TRANK1: variants seen among roughly 807,000 people sequenced by gnomAD.
TRANK1 encodes TPR and ankyrin repeat-containing protein 1.
TRANK1 carries 198 observed loss-of-function variants against 266.0 expected under a neutral mutation model. The ratio of observed to expected loss-of-function variants is 0.74; its 90% CI spans 0.66 to 0.84. The LOEUF (loss-of-function observed/expected upper bound fraction) is 0.84, where lower values mean the gene tolerates loss of function less well. Ranked by LOEUF, TRANK1 falls within the 40% of genes least tolerant of loss-of-function variation. TRANK1 has a pLI of 0.00. For synonymous variants in TRANK1, 1,396 were observed against 1,384.1 expected (o/e 1.01, Z -0.19); for missense variants, 3,326 against 3,634.6 (o/e 0.92, Z 2.18).
At chr3:36,845,017 G>C (rs949378975) in intron 17 of TRANK1, among the ~76,000 whole-genome samples, 11 of 151,456 alleles carry the variant, frequency 7.3e-5, no homozygotes, top group Admixed American at 7.2e-4. Context: ...ACTTCACTTC[G>C]TTAGGTAGCC....
intron 8 of TRANK1, 147 bp downstream of exon 8, chr3:36,889,682 C>T: frequency 8.7e-7 from 1 of 1,146,500 alleles, no homozygotes; most frequent in Non-Finnish European, 1.2e-6. Context: ...CACCCACCCA[C>T]CAAAATCAAG....
chr3:36,897,175 C>T (rs1294488585), intron 4 of TRANK1, among the ~76,000 whole-genome samples: 1 of 146,486 alleles, frequency 6.8e-6, no homozygotes, highest in Admixed American at 6.9e-5. Flanking sequence ...GGTGGTGGTG[C>T]ACACCTGTAG....
At chr3:36,879,966 AAATATATGTAAACATG>A (rs2079493128) in intron 8 of TRANK1, among the ~76,000 whole-genome samples, 1 of 10,418 alleles carries the variant, frequency 9.6e-5, no homozygotes, top group Non-Finnish European at 1.5e-4. Flanking sequence ...GTAAACATGC[AAATATATGTAAACATG>A]CAAATATATG....
chr3:36,830,854 C>T lies in TRANK1; in HGVS notation c.8710+19G>A, dbSNP rs572418310. The T allele has an allele frequency of 6.4e-7, 1 of 1,566,778 alleles. No individual in the cohort carries two copies. The highest frequency in any genetic ancestry group is 1.2e-5 in the South Asian group (1 of 84,156). On this transcript the variant is annotated intron_variant, in intron 22 of 23. Transcript: ENST00000645898. ...CCAGGTCTCACTCTGCCTGGGCCCC[C>T]ATCTCTGCAGACCCTTACCGCCAGC...
chr3:36,943,797 GGACT>G (rs894369586), intron 1 of TRANK1, among the ~76,000 whole-genome samples: 18 of 152,164 alleles, frequency 1.2e-4, no homozygotes, highest in African/African-American at 4.3e-4. Context: ...TCCCGCATAA[GGACT>G]AACTGAGCCA....
intron 20 of TRANK1, among the ~76,000 whole-genome samples, chr3:36,836,303 G>T (rs1489711431): frequency 7.7e-6 from 1 of 129,580 alleles, no homozygotes; most frequent in Admixed American, 7.7e-5. Flanking sequence ...AAGGTGCTAT[G>T]TGTGGGAGCC....
At chr3:36,918,559 G>GAAAGAAAGAAAGA (rs1341379325) in intron 1 of TRANK1, among the ~76,000 whole-genome samples, 1 of 51,344 alleles carries the variant, frequency 1.9e-5, no homozygotes, top group African/African-American at 7.5e-5. Flanking sequence ...AGGAAGGAAG[G>GAAAGAAAGAAAGA]AAGGTAGGAA....
intron 1 of TRANK1, among the ~76,000 whole-genome samples, chr3:36,931,575 C>T (rs986251535): frequency 6.6e-5 from 10 of 151,966 alleles, no homozygotes; most frequent in East Asian, 1.9e-4. Context: ...CATGGTGGCA[C>T]GCACCTATAG....
chr3:36,856,947 C>T lies in TRANK1; in HGVS notation c.2775G>A (p.Thr925=), dbSNP rs781514702. 39 of 1,585,878 alleles carry T rather than the reference C, an allele frequency of 2.5e-5. No individual in the cohort carries two copies. The highest frequency in any genetic ancestry group is 2.1e-4 in the South Asian group (19 of 89,572). Residue 925 remains threonine, a synonymous_variant, in exon 13 of 24, where the codon ACG becomes ACA. Transcript: ENST00000645898. The stretch of plus-strand genomic sequence containing the variant: ...TCCGCCCTGATTTCTCCATTGCACA[C>T]GTGTTCTGCTCCGTGGCAATGATCT... The part of the protein sequence containing the change: ...PEKIIATEQN[T]CAMEKSGRIY...
chr3:36,846,431 G>C (rs778294474), intron 16 of TRANK1, 27 bp from the exon 17 acceptor site: 12 of 1,594,922 alleles, frequency 7.5e-6, no homozygotes, highest in Admixed American at 1.7e-5. Flanking sequence ...GGACAAAGAT[G>C]ATGAGCCATT....
At chr3:36,889,770 TC>T (rs2079660158) in intron 8 of TRANK1, 58 bp downstream of exon 8, 2 of 1,476,920 alleles carry the variant, frequency 1.4e-6, no homozygotes, top group Non-Finnish European at 1.8e-6. Flanking sequence ...GTGGTGTGGG[TC>T]CTCAAAGCCT....
chr3:36,839,144 T>C (rs1306672219), intron 18 of TRANK1, among the ~76,000 whole-genome samples: 2 of 152,156 alleles, frequency 1.3e-5, no homozygotes, highest in South Asian at 2.1e-4. Flanking sequence ...TACTTTGCAG[T>C]GTTGGCAGAA....
intron 17 of TRANK1, among the ~76,000 whole-genome samples, chr3:36,845,778 T>C (rs1000804660): frequency 3.9e-5 from 6 of 152,178 alleles, no homozygotes; most frequent in African/African-American, 1.4e-4. Context: ...TGGTGGACAC[T>C]TAGATTGTTT....
At chr3:36,884,659 G>A (rs1034949730) in intron 8 of TRANK1, among the ~76,000 whole-genome samples, 6 of 152,166 alleles carry the variant, frequency 3.9e-5, no homozygotes, top group Admixed American at 6.5e-5. Flanking sequence ...TAGGCCAGGC[G>A]TAGTGGCTCA....
intron 4 of TRANK1, among the ~76,000 whole-genome samples, chr3:36,898,454 A>AC (rs1209664226): frequency 3.3e-5 from 5 of 151,894 alleles, no homozygotes. Flanking sequence ...CATCTCAAAC[A>AC]AAAAAAGAAA....
intron 1 of TRANK1, among the ~76,000 whole-genome samples, chr3:36,939,732 G>T (rs2080470825): frequency 6.6e-6 from 1 of 152,146 alleles, no homozygotes; most frequent in Non-Finnish European, 1.5e-5. Context: ...GCCCCTTCAT[G>T]AAGCTCACAT....
chr3:36,834,677 G>A (rs1221270380), intron 21 of TRANK1, 85 bp downstream of exon 21: 12 of 1,462,060 alleles, frequency 8.2e-6, no homozygotes, highest in Admixed American at 2.2e-5. Context: ...GTCAGAAGCA[G>A]CAGGATAGCA....
chr3:36,865,898 C>T (rs138739237), intron 9 of TRANK1, among the ~76,000 whole-genome samples: 39,945 of 150,774 alleles, frequency 0.26, 6,325 homozygotes, highest in Non-Finnish European at 0.36. Context: ...CACTGCACTC[C>T]AGCCTGGGCA....
chr3:36,864,282 C>A (rs1473405555), intron 10 of TRANK1, 37 bp downstream of exon 10: 1 of 1,462,172 alleles, frequency 6.8e-7, no homozygotes, highest in Non-Finnish European at 9.0e-7. Context: ...GAACATAAAT[C>A]ATTTTTAACA....
Sources: allele counts gnomAD v4.1 joint callset (sites outside exome capture counted in the v4.1 genomes callset), GRCh38; gene constraint gnomAD v4.1.1; transcripts MANE v1.5; gene names NCBI Gene and HGNC (gene_info 2026-07-23, HGNC 2026-07-21).